Variants in PSG5 observed in about 807,000 individuals in gnomAD.
The protein encoded by PSG5 is pregnancy-specific beta-1-glycoprotein 5.
Under a neutral mutation model 37.7 loss-of-function variants are expected in PSG5, and 53 were observed. That is an observed-to-expected ratio of 1.41 (90% CI 1.13 to 1.77). The LOEUF is 1.77. Among genes scored for constraint, PSG5 ranks in the 40% most tolerant of loss-of-function variants. The pLI is 0.00. For missense variants in PSG5, 547 were observed against 405.2 expected (o/e 1.35, Z -3.00); for synonymous variants, 221 against 155.4 (o/e 1.42, Z -3.14).
chr19:43,181,826 A>G lies in PSG5; in HGVS notation c.430+2956T>C, dbSNP rs1473937073. 1.3e-5 allele frequency among the ~76,000 whole-genome samples: 2 copies of G among 151,714 alleles called. 1 individual carries two copies. Among genetic ancestry groups the G allele is most frequent in the Admixed American group, 1.3e-4 (2 of 15,196 alleles). On this transcript the variant is annotated intron_variant, in intron 2 of 5. Coordinates refer to ENST00000342951, the MANE Select transcript of PSG5 (RefSeq NM_002781.4). ...TTTTACTTACTGTTAGAACCGAGTGACAAATTTCAAGCTTGTTATATGCCT... is the reference window on the plus strand; with the variant it reads ...TTTTACTTACTGTTAGAACCGAGTGGCAAATTTCAAGCTTGTTATATGCCT...
intron 2 of PSG5, among the ~76,000 whole-genome samples, chr19:43,182,517 C>G (rs1969150027): frequency 6.6e-6 from 1 of 151,156 alleles, no homozygotes; most frequent in African/African-American, 2.4e-5. Flanking sequence ...CCTCTGCCCA[C>G]ATGATTCCAT....
intron 4 of PSG5, among the ~76,000 whole-genome samples, chr19:43,171,925 T>C (rs1968913452): frequency 6.9e-6 from 1 of 144,838 alleles, no homozygotes; most frequent in Non-Finnish European, 1.5e-5. Flanking sequence ...TGAGCCATAA[T>C]CACACCACTG....
At chr19:43,180,502 T>A (rs1969105742) in intron 2 of PSG5, 1 of 151,618 alleles carries the variant, frequency 6.6e-6, no homozygotes, top group South Asian at 2.1e-4. Flanking sequence ...GCATTTCAGA[T>A]TGTGGATTTC....
At position 43,185,047 on chromosome 19, in the gene PSG5, G is replaced by A. The variant is rs772902545; in HGVS notation, c.165C>T (p.Val55=). The part of the protein sequence containing the change: ...VSEGKDVLLL[V]HNLPQNLAGY... ...CAGCAAGATTCTGAGGCAAATTGTG[G>A]ACAAGTAGAAGAACATCCTTCCCCT... Residue 55 remains valine (V), a synonymous_variant, in exon 2 of 6, where the codon GTC becomes GTT. Transcript: ENST00000342951. 5.0e-6 allele frequency: 8 copies of A among 1,612,494 alleles called. No homozygotes were observed. In the Admixed American group the frequency reaches 1.2e-4, roughly 24 times the overall value.
rs8104735 is a variant in PSG5 at position 43,185,606 on chromosome 19, T to A, written c.65-459A>T. 2.2e-4 allele frequency among the ~76,000 whole-genome samples: 34 copies of A among 151,200 alleles called. 2 individuals are homozygous for A. The highest frequency in any genetic ancestry group is 8.0e-4 in the African/African-American group (33 of 40,996). ...CATTCTAGATCTCTTTGCATGTCTG[T>A]CTTCCTCCCCATGACAGCGTGAGCT... On this transcript the variant is annotated intron_variant, in intron 1 of 5. Transcript: ENST00000342951.
At chr19:43,171,463 G>A (rs1435890436) in intron 4 of PSG5, 1 of 195,286 alleles carries the variant, frequency 5.1e-6, no homozygotes, top group Non-Finnish European at 1.0e-5. Flanking sequence ...AATACTTCAG[G>A]ATATGAAAGA....
intron 2 of PSG5, 128 bp downstream of exon 2, chr19:43,184,654 C>T (rs1426961207): frequency 8.4e-6 from 13 of 1,541,820 alleles, no homozygotes; most frequent in South Asian, 3.4e-5. Flanking sequence ...GCACTAAATG[C>T]CCAAACCGCA....
chr19:43,168,649 G>T (rs1346026552), intron 5 of PSG5, among the ~76,000 whole-genome samples: 1 of 151,738 alleles, frequency 6.6e-6, no homozygotes, highest in East Asian at 1.9e-4. Flanking sequence ...TGGGATTGCA[G>T]GCGTGAGCCA....
At chr19:43,168,812 G>C (rs1428033661) in intron 5 of PSG5, among the ~76,000 whole-genome samples, 2 of 151,544 alleles carry the variant, frequency 1.3e-5, no homozygotes, top group African/African-American at 4.9e-5. Flanking sequence ...TGTTTCTCAA[G>C]AGGATTACTG....
chr19:43,173,961 C>T (rs2122209723), intron 4 of PSG5, among the ~76,000 whole-genome samples: 1 of 151,696 alleles, frequency 6.6e-6, no homozygotes, highest in South Asian at 2.1e-4. Context: ...ATGGAAACAA[C>T]TGAAAAGTCC....
chr19:43,173,001 T>C (rs1432525900), intron 4 of PSG5, among the ~76,000 whole-genome samples: 2 of 151,682 alleles, frequency 1.3e-5, no homozygotes, highest in Admixed American at 1.3e-4. Flanking sequence ...TAGTAATCAA[T>C]ACAGTGTGGT....
Position 43,186,322 on chromosome 19 carries a change from C to T in PSG5, c.64+20G>A. 6.2e-7 allele frequency: 1 copy of T among 1,611,556 alleles called. No individual in the cohort carries two copies. The highest frequency in any genetic ancestry group is 1.7e-4 in the Middle Eastern group (1 of 6,042). ...CTCTTCTTCCTCCTCCTGTCCTCTC[C>T]CAGGAAGTTCTCTCCTCACCTGTGA... On this transcript the variant is annotated intron_variant, in intron 1 of 5. Coordinates refer to ENST00000342951, the MANE Select transcript of PSG5 (RefSeq NM_002781.4).
intron 5 of PSG5, among the ~76,000 whole-genome samples, chr19:43,169,304 G>A (rs543717224): frequency 6.6e-6 from 1 of 151,730 alleles, no homozygotes; most frequent in Non-Finnish European, 1.5e-5. Context: ...ACCACACATA[G>A]GTTGTGTTCT....
intron 2 of PSG5, among the ~76,000 whole-genome samples, chr19:43,177,050 G>A (rs1439568067): frequency 6.6e-6 from 1 of 151,704 alleles, no homozygotes; most frequent in Non-Finnish European, 1.5e-5. Context: ...ATGGATATGA[G>A]ACAAATTTGA....
intron 2 of PSG5, among the ~76,000 whole-genome samples, chr19:43,176,840 G>A (rs543358079): frequency 1.9e-4 from 29 of 151,040 alleles, no homozygotes; most frequent in Admixed American, 7.3e-4. Context: ...AAGGGGACAG[G>A]CAAGAGCTGG....
At chr19:43,169,315 G>T (rs2122194277) in intron 5 of PSG5, among the ~76,000 whole-genome samples, 1 of 151,740 alleles carries the variant, frequency 6.6e-6, no homozygotes, top group South Asian at 2.1e-4. Flanking sequence ...GTTGTGTTCT[G>T]AGTCTCAGGT....
In PSG5 at chr19:43,175,400, G is replaced by A. The variant is rs1485349668; in HGVS notation, c.779C>T (p.Ser260Phe). 4 of 1,612,774 alleles carry A rather than the reference G, an allele frequency of 2.5e-6. No homozygotes were observed. The highest frequency in any genetic ancestry group is 4.5e-5 in the East Asian group (2 of 44,892). The stretch of plus-strand genomic sequence containing the variant: ...CGGTGGGTTAGATTCCGCGAAGCAG[G>A]ACAAGTAGAGGTTTTCTCCTGAACG... ...YYRSGENLYL[S>F]CFAESNPPAE... The change falls in exon 4 of 6, where the codon TCC (serine) becomes TTC (phenylalanine). Residue 260 changes from serine (S) to phenylalanine (F), a missense_variant. Coordinates refer to ENST00000342951, the MANE Select transcript of PSG5 (RefSeq NM_002781.4).
At chr19:43,183,707 G>T (rs1163576305) in intron 2 of PSG5, among the ~76,000 whole-genome samples, 4 of 151,456 alleles carry the variant, frequency 2.6e-5, no homozygotes, top group African/African-American at 7.3e-5. Flanking sequence ...CCTAAGAAGA[G>T]AGGATTTGAG....
At chr19:43,179,135 G>T (rs1364789493) in intron 2 of PSG5, 1 of 1,598,912 alleles carries the variant, frequency 6.3e-7, no homozygotes, top group Admixed American at 1.7e-5. Flanking sequence ...TGCTACTGGA[G>T]ATGGAGGGCT....
Sources: allele counts gnomAD v4.1 joint callset (sites outside exome capture counted in the v4.1 genomes callset), GRCh38; gene constraint gnomAD v4.1.1; transcripts MANE v1.5; gene names NCBI Gene and HGNC (gene_info 2026-07-23, HGNC 2026-07-21).